The following ATP9A variants were observed in gnomAD, a reference collection of about 807,000 sequenced individuals.
The protein encoded by ATP9A is probable phospholipid-transporting ATPase IIA.
ATP9A carries 52 observed loss-of-function variants against 144.1 expected under a neutral mutation model. That is an observed-to-expected ratio of 0.36 (90% CI 0.29 to 0.45). The LOEUF (loss-of-function observed/expected upper bound fraction) is 0.45, where lower values mean the gene tolerates loss of function less well. ATP9A is among the 20% of genes least tolerant of loss of function. The pLI is 1.00. For synonymous variants in ATP9A, 582 were observed against 557.4 expected (o/e 1.04, Z -0.62); for missense variants, 947 against 1,392.7 (o/e 0.68, Z 5.09).
At chr20:51,742,614 A>G (rs1247997887) in intron 1 of ATP9A, among the ~76,000 whole-genome samples, 1 of 151,996 alleles carries the variant, frequency 6.6e-6, no homozygotes, top group East Asian at 1.9e-4. Flanking sequence ...TCCTGGGTTC[A>G]AGCAATTCTT....
intron 14 of ATP9A, 40 bp downstream of exon 14, chr20:51,656,898 C>T (rs576376709): frequency 1.9e-6 from 3 of 1,576,450 alleles, no homozygotes; most frequent in South Asian, 2.3e-5. Flanking sequence ...AGAAAACAAG[C>T]AGGGCCTCCC....
rs375486455 is a variant in ATP9A, at chr20:51,729,823, C to T, written c.213+11G>A. 3.2e-5 allele frequency: 50 copies of T among 1,568,378 alleles called. No individual in the cohort carries two copies. In the African/African-American group the frequency reaches 5.9e-4, roughly 19 times the overall value. On this transcript the variant is annotated intron_variant, in intron 2 of 27. Coordinates refer to ENST00000338821, the MANE Select transcript of ATP9A (RefSeq NM_006045.3). ...AAAAAAGAAAAGAGCACGGTCCCTG[C>T]CTGCACGTACCCCAGGAAGAAAGGT...
intron 22 of ATP9A, among the ~76,000 whole-genome samples, chr20:51,615,041 A>C (rs539102107): frequency 3.3e-4 from 40 of 119,730 alleles, no homozygotes; most frequent in Admixed American, 4.8e-4. Flanking sequence ...TTGAGCATGA[A>C]TATTATATAG....
intron 18 of ATP9A, 56 bp from the exon 19 acceptor site, chr20:51,622,228 A>T (rs956121334): frequency 2.5e-5 from 35 of 1,414,724 alleles, no homozygotes; most frequent in Non-Finnish European, 3.2e-5. Flanking sequence ...CCGGCCTGTC[A>T]TCTGCAACAG....
intron 14 of ATP9A, among the ~76,000 whole-genome samples, chr20:51,652,244 C>G (rs76078580): frequency 6.6e-6 from 1 of 152,186 alleles, no homozygotes; most frequent in African/African-American, 2.4e-5. Flanking sequence ...ACTTACTGTA[C>G]GGTGGCAGGG....
intron 1 of ATP9A, among the ~76,000 whole-genome samples, chr20:51,749,161 G>C (rs1476684540): frequency 6.6e-6 from 1 of 152,112 alleles, no homozygotes. Context: ...AGGAGTTTGA[G>C]ACAGCCTAGG....
At chr20:51,687,449 C>T (rs1365981711) in intron 9 of ATP9A, among the ~76,000 whole-genome samples, 1 of 152,074 alleles carries the variant, frequency 6.6e-6, no homozygotes, top group African/African-American at 2.4e-5. Flanking sequence ...GGATCCTAAT[C>T]GAGTGTCTAC....
chr20:51,601,979 T>C (rs2077145091), intron 27 of ATP9A, among the ~76,000 whole-genome samples: 1 of 152,158 alleles, frequency 6.6e-6, no homozygotes, highest in Non-Finnish European at 1.5e-5. Flanking sequence ...GATTTGGTGT[T>C]GTCTAACAGT....
chr20:51,722,413 G>A (rs1568836104), intron 3 of ATP9A, among the ~76,000 whole-genome samples: 2 of 152,174 alleles, frequency 1.3e-5, no homozygotes, highest in Non-Finnish European at 2.9e-5. Flanking sequence ...ACAACCCACA[G>A]AGTGGGAGAA....
chr20:51,697,513 C>T (rs58432772), intron 4 of ATP9A, 31 bp from the exon 5 acceptor site: 408,490 of 1,602,462 alleles, frequency 0.25, 54,902 homozygotes, highest in East Asian at 0.47. Flanking sequence ...GATACATCAC[C>T]ATCTTAATTC....
rs1390541881 is a variant in ATP9A at position 51,768,304 on chromosome 20, G to A, written c.66C>T (p.Ala22=). 3.9e-6 allele frequency: 5 copies of A among 1,297,078 alleles called. No individual in the cohort carries two copies. The highest frequency in any genetic ancestry group is 4.9e-6 in the Non-Finnish European group (5 of 1,013,566). 80.3% of individuals were successfully genotyped at this position (1,297,078 alleles called of 1,614,324 possible). The part of the protein sequence containing the change: ...QKKRMDSRPR[A]GCCEWLRCCG... ...AACACGGGCCCAGGCCCACTCACCC[G>A]GCGCGGGGCCTGCTGTCCATCCGCT... The change falls in exon 1 of 28, where the codon GCC becomes GCT. Residue 22 remains alanine, a splice_region_variant and synonymous_variant. Coordinates refer to ENST00000338821, the MANE Select transcript of ATP9A (RefSeq NM_006045.3).
Position 51,677,276 on chromosome 20 carries a change from C to A in ATP9A, c.800-1068G>T, listed in dbSNP as rs188521169. Among the ~76,000 whole-genome samples the A allele has an allele frequency of 9.2e-5, 14 of 152,216 alleles. No homozygotes were observed. The East Asian group carries it at 2.7e-3, about 29-fold the overall frequency. The stretch of plus-strand genomic sequence containing the variant: ...GAACATCAAAGGTTTTACATTAGGG[C>A]CAAACCAATGATCTGCGGCTACACT... On this transcript the variant is annotated intron_variant, in intron 9 of 27. Transcript: ENST00000338821.
chr20:51,648,845 A>G (rs995450015), intron 14 of ATP9A, among the ~76,000 whole-genome samples: 1 of 152,126 alleles, frequency 6.6e-6, no homozygotes, highest in Non-Finnish European at 1.5e-5. Context: ...AAAATAAGCA[A>G]AACACATTAA....
chr20:51,741,624 G>A (rs1490939387), intron 1 of ATP9A, among the ~76,000 whole-genome samples: 1 of 152,134 alleles, frequency 6.6e-6, no homozygotes, highest in Non-Finnish European at 1.5e-5. Context: ...TCACAATGGA[G>A]GGAAACTCGC....
chr20:51,681,704 G>A (rs1242666296), intron 9 of ATP9A, among the ~76,000 whole-genome samples: 4 of 152,106 alleles, frequency 2.6e-5, no homozygotes, highest in African/African-American at 9.7e-5. Flanking sequence ...TTACAGGCGT[G>A]AGCCACCGCG....
At chr20:51,647,803 G>T (rs964094264) in intron 14 of ATP9A, among the ~76,000 whole-genome samples, 4 of 152,106 alleles carry the variant, frequency 2.6e-5, no homozygotes, top group Non-Finnish European at 5.9e-5. Context: ...TATCACATGG[G>T]ACAGAGCTTT....
At chr20:51,714,924 T>C (rs1332405957) in intron 3 of ATP9A, among the ~76,000 whole-genome samples, 1 of 152,256 alleles carries the variant, frequency 6.6e-6, no homozygotes, top group African/African-American at 2.4e-5. Flanking sequence ...GAGTCACCCA[T>C]AGCAGAATCT....
chr20:51,725,387 G>A (rs2077707849), intron 3 of ATP9A, among the ~76,000 whole-genome samples: 1 of 152,134 alleles, frequency 6.6e-6, no homozygotes, highest in African/African-American at 2.4e-5. Context: ...CTCCCAAAGT[G>A]CTAGGACTAC....
At chr20:51,754,178 A>T (rs979065948) in intron 1 of ATP9A, among the ~76,000 whole-genome samples, 1 of 152,044 alleles carries the variant, frequency 6.6e-6, no homozygotes, top group Admixed American at 6.6e-5. Context: ...TGGCTAACCT[A>T]TATGTCTAAA....
Sources: allele counts gnomAD v4.1 joint callset (sites outside exome capture counted in the v4.1 genomes callset), GRCh38; gene constraint gnomAD v4.1.1; transcripts MANE v1.5; gene names NCBI Gene and HGNC (gene_info 2026-07-23, HGNC 2026-07-21).